The following MEMO1 variants were observed in gnomAD, a reference collection of about 807,000 sequenced individuals.
MEMO1 encodes the protein mediator of cell motility 1.
In MEMO1, 6 loss-of-function variants were observed where a neutral mutation model predicts 45.2. The ratio of observed to expected loss-of-function variants is 0.13; its 90% CI spans 0.07 to 0.26. The LOEUF (loss-of-function observed/expected upper bound fraction) is 0.26. Ranked by LOEUF, MEMO1 falls within the 10% of genes least tolerant of loss-of-function variation. MEMO1 has a pLI of 1.00. For missense variants in MEMO1, 184 were observed against 370.5 expected, an observed-to-expected ratio of 0.50 and a Z score of 4.13; for synonymous variants, 78 against 124.3, an observed-to-expected ratio of 0.63 and a Z score of 2.48.
At chr2:31,899,764 A>G (rs998946328) in intron 6 of MEMO1, among the ~76,000 whole-genome samples, 6 of 152,356 alleles carry the variant, frequency 3.9e-5, no homozygotes, top group African/African-American at 1.4e-4. Context: ...AGAATGGGAG[A>G]AACTTTTGCA....
At chr2:31,906,485 G>A (rs1679760963) in intron 6 of MEMO1, among the ~76,000 whole-genome samples, 2 of 151,760 alleles carry the variant, frequency 1.3e-5, no homozygotes, top group African/African-American at 4.8e-5. Context: ...CACCAAGCCT[G>A]GCTAATTTTT....
chr2:31,897,994 T>C (rs930353304), intron 6 of MEMO1, among the ~76,000 whole-genome samples: 14 of 152,028 alleles, frequency 9.2e-5, no homozygotes, highest in African/African-American at 3.4e-4. Context: ...TTTTCTAGTT[T>C]ATTTGCATAG....
chr2:31,942,634 C>G (rs900990655), intron 3 of MEMO1, among the ~76,000 whole-genome samples: 2 of 152,044 alleles, frequency 1.3e-5, no homozygotes, highest in African/African-American at 4.8e-5. Flanking sequence ...AACCCCACCA[C>G]TGCCACCCCC....
intron 7 of MEMO1, among the ~76,000 whole-genome samples, chr2:31,884,357 G>GT (rs1310605189): frequency 6.7e-6 from 1 of 150,330 alleles, no homozygotes; most frequent in Non-Finnish European, 1.5e-5. Context: ...CATTACTTTT[G>GT]TATTTCCTTA....
chr2:31,997,760 A>G (rs1280971222), intron 2 of MEMO1, among the ~76,000 whole-genome samples: 1 of 152,208 alleles, frequency 6.6e-6, no homozygotes, highest in Non-Finnish European at 1.5e-5. Context: ...AGTTGTGGTA[A>G]GAAGTTGGAA....
intron 4 of MEMO1, among the ~76,000 whole-genome samples, chr2:31,928,588 T>C (rs1192819530): frequency 2.6e-5 from 4 of 151,604 alleles, no homozygotes; most frequent in Admixed American, 6.6e-5. Flanking sequence ...AAAATCTTAT[T>C]AGACCCTGAC....
chr2:31,884,350 T>C (rs1675849311), intron 7 of MEMO1, among the ~76,000 whole-genome samples: 1 of 151,120 alleles, frequency 6.6e-6, no homozygotes, highest in Non-Finnish European at 1.5e-5. Context: ...AAGAACTCAT[T>C]ACTTTTGTAT....
chr2:31,919,322 T>C (rs1455841060), intron 5 of MEMO1, among the ~76,000 whole-genome samples: 1 of 151,916 alleles, frequency 6.6e-6, no homozygotes, highest in Non-Finnish European at 1.5e-5. Context: ...CAGCAGATTT[T>C]TGTATTTTTT....
intron 2 of MEMO1, among the ~76,000 whole-genome samples, chr2:32,009,711 G>A (rs1249811525): frequency 6.6e-6 from 1 of 152,194 alleles, no homozygotes; most frequent in Non-Finnish European, 1.5e-5. Context: ...GGAGAGGAAA[G>A]GAAAGGGTCC....
At chr2:31,923,725 C>G in intron 4 of MEMO1, 3 of 1,539,062 alleles carry the variant, frequency 1.9e-6, no homozygotes, top group Non-Finnish European at 2.6e-6. Flanking sequence ...TCAGAGCACT[C>G]CTGGAAAATC....
At chr2:31,989,504 T>C (rs1306652839) in intron 2 of MEMO1, among the ~76,000 whole-genome samples, 2 of 152,278 alleles carry the variant, frequency 1.3e-5, no homozygotes, top group African/African-American at 2.4e-5. Flanking sequence ...AACTGACTAA[T>C]GCATGATGTT....
rs1479322617 is a variant in MEMO1, at chr2:31,935,554, A to G, written c.144-3419T>C. 2.6e-5 allele frequency among the ~76,000 whole-genome samples: 4 copies of G among 151,798 alleles called. No individual in the cohort carries two copies. The East Asian group carries it at 7.7e-4, about 29-fold the overall frequency. On this transcript the variant is annotated intron_variant, in intron 3 of 9. Coordinates refer to ENST00000404530, the MANE Select transcript of MEMO1 (RefSeq NM_001301833.4). ...TCGAGGCTACACTGCAGAGTATTGA[A>G]AAAAAAAATCTGTCAGTGCACTGTG...
intron 2 of MEMO1, among the ~76,000 whole-genome samples, chr2:31,988,070 A>G (rs1369560134): frequency 1.3e-5 from 2 of 152,282 alleles, no homozygotes; most frequent in African/African-American, 4.8e-5. Context: ...AACCAAGATT[A>G]AGTTGGTAAG....
At chr2:31,896,600 C>T (rs770716581) in intron 6 of MEMO1, among the ~76,000 whole-genome samples, 9 of 152,066 alleles carry the variant, frequency 5.9e-5, no homozygotes, top group Non-Finnish European at 1.0e-4. Context: ...ATTTCTATGA[C>T]CTTGGAGGAG....
intron 7 of MEMO1, among the ~76,000 whole-genome samples, chr2:31,888,082 AAT>A (rs1260733357): frequency 6.6e-5 from 10 of 152,164 alleles, no homozygotes; most frequent in Middle Eastern, 3.2e-3. Context: ...TATTTAAAAA[AAT>A]ATATGTCATA....
chr2:31,931,518 A>G (rs1664169515), intron 4 of MEMO1, among the ~76,000 whole-genome samples: 1 of 152,082 alleles, frequency 6.6e-6, no homozygotes, highest in Non-Finnish European at 1.5e-5. Context: ...ACAGAGTAGT[A>G]TACTATTAAA....
intron 2 of MEMO1, among the ~76,000 whole-genome samples, chr2:31,957,142 C>CAAAAAAAAAAAAAAAAAA (rs754542523): frequency 1.3e-5 from 1 of 77,662 alleles, no homozygotes; most frequent in Non-Finnish European, 2.5e-5. Flanking sequence ...AACTCCGTCT[C>CAAAAAAAAAAAAAAAAAA]AAAAAAAAAA....
intron 2 of MEMO1, among the ~76,000 whole-genome samples, chr2:31,993,949 C>CTTTCTTTTTT (rs1672252339): frequency 1.4e-5 from 1 of 73,556 alleles, no homozygotes. Flanking sequence ...TCAATACTTT[C>CTTTCTTTTTT]TTTTTTTTTT....
intron 4 of MEMO1, among the ~76,000 whole-genome samples, chr2:31,922,667 T>C (rs1403663305): frequency 6.6e-6 from 1 of 152,056 alleles, no homozygotes; most frequent in African/African-American, 2.4e-5. Context: ...GTGTCTGTTG[T>C]TCCCTTCCTT....
Sources: allele counts gnomAD v4.1 joint callset (sites outside exome capture counted in the v4.1 genomes callset), GRCh38; gene constraint gnomAD v4.1.1; transcripts MANE v1.5; gene names NCBI Gene and HGNC (gene_info 2026-07-23, HGNC 2026-07-21).